Variants in TBC1D31 observed in about 807,000 individuals in gnomAD.
The protein encoded by TBC1D31 is TBC1 domain family member 31.
In TBC1D31, 99 loss-of-function variants were observed where a neutral mutation model predicts 132.9. The observed-to-expected ratio is 0.74, with a 90% CI of 0.63 to 0.88. The LOEUF (loss-of-function observed/expected upper bound fraction) is 0.88, where lower values mean the gene tolerates loss of function less well. Ranked by LOEUF, TBC1D31 falls within the 40% of genes least tolerant of loss-of-function variation. The probability of loss-of-function intolerance (pLI) is 0.00; values close to 1 mark genes in which losing one functional copy is unlikely to be tolerated. For missense variants in TBC1D31, 1,134 were observed against 1,256.6 expected (o/e 0.90, Z 1.48); for synonymous variants, 385 against 419.4 (o/e 0.92, Z 1.00).
intron 2 of TBC1D31, among the ~76,000 whole-genome samples, chr8:123,080,632 GT>G (rs1335592931): frequency 7.1e-6 from 1 of 139,974 alleles, no homozygotes; most frequent in Non-Finnish European, 1.5e-5. Flanking sequence ...CTGCCTCCTG[GT>G]TTAAGCAATT....
intron 6 of TBC1D31, among the ~76,000 whole-genome samples, chr8:123,100,168 A>G (rs1817243052): frequency 6.6e-6 from 1 of 152,112 alleles, no homozygotes; most frequent in African/African-American, 2.4e-5. Flanking sequence ...TGCCTGTGGG[A>G]AGGGAAGATT....
At chr8:123,086,931 C>G (rs1227150341) in intron 4 of TBC1D31, among the ~76,000 whole-genome samples, 2 of 151,986 alleles carry the variant, frequency 1.3e-5, no homozygotes, top group Non-Finnish European at 2.9e-5. Flanking sequence ...TTAGCCAGGC[C>G]GGTCTCAAAC....
chr8:123,116,759 C>T, intron 10 of TBC1D31, among the ~76,000 whole-genome samples: 1 of 152,110 alleles, frequency 6.6e-6, no homozygotes, highest in East Asian at 1.9e-4. Context: ...CGTGACTCAA[C>T]CTAAAAGTTT....
chr8:123,082,583 G>A (rs1815281491), intron 2 of TBC1D31, 119 bp from the exon 3 acceptor site: 1 of 656,222 alleles, frequency 1.5e-6, no homozygotes, highest in Admixed American at 3.0e-5. Flanking sequence ...TCTATTTTTG[G>A]CCTAAAATGG....
rs1820877539 is a variant in TBC1D31, at chr8:123,134,170, G to A, written c.2463G>A (p.Gln821=). ...CAGCCAGAGACCTAGAAATGAGACAGCTGGAACTCGAATCACAAAAGAGAC... is the reference window on the plus strand; with the variant it reads ...CAGCCAGAGACCTAGAAATGAGACAACTGGAACTCGAATCACAAAAGAGAC... The part of the protein sequence containing the change: ...AATARDLEMR[Q]LELESQKRLY... The change falls in exon 17 of 22, where the codon CAG becomes CAA. Residue 821 remains glutamine (Q), a synonymous_variant. Transcript: ENST00000287380. The A allele has an allele frequency of 6.2e-7, 1 of 1,613,998 alleles. No homozygotes were observed. The highest frequency in any genetic ancestry group is 8.5e-7 in the Non-Finnish European group (1 of 1,179,912).
chr8:123,113,013 C>A (rs1586650710), intron 10 of TBC1D31, among the ~76,000 whole-genome samples: 1 of 152,264 alleles, frequency 6.6e-6, no homozygotes, highest in African/African-American at 2.4e-5. Context: ...AGTGAAGTCT[C>A]TCATCAGATG....
At chr8:123,164,434 A>C in the TBC1D31 span, among the ~76,000 whole-genome samples, 99 of 152,292 alleles carry the variant, frequency 6.5e-4, no homozygotes, top group African/African-American at 2.1e-3. Context: ...AATGAAGAAT[A>C]ATCCAGGCCA....
Position 123,072,834 on chromosome 8 carries a change from C to T in TBC1D31, c.65C>T (p.Ala22Val). 1 of 1,568,218 alleles carries T rather than the reference C, an allele frequency of 6.4e-7. No individual in the cohort carries two copies. Among genetic ancestry groups the T allele is most frequent in the South Asian group, 1.2e-5 (1 of 85,326 alleles). The change falls in exon 1 of 22, where the codon GCC (alanine) becomes GTC (valine). Residue 22 changes from alanine (A) to valine (V), a missense_variant. Transcript: ENST00000287380. The stretch of plus-strand genomic sequence containing the variant: ...ATATGGCACCGCAAGCCGTCCCCGG[C>T]CACGCGGGACGGGTAAAGGCCGTGG... The part of the protein sequence containing the change: ...GKIWHRKPSP[A>V]TRDGIIVNII...
intron 3 of TBC1D31, chr8:123,083,933 A>C: frequency 2.3e-6 from 1 of 435,844 alleles, no homozygotes; most frequent in East Asian, 3.6e-5. Flanking sequence ...GTTATTCTTC[A>C]TCAAAGCCTT....
intron 2 of TBC1D31, among the ~76,000 whole-genome samples, chr8:123,077,898 A>G (rs1040535230): frequency 6.6e-6 from 1 of 152,034 alleles, no homozygotes; most frequent in African/African-American, 2.4e-5. Context: ...AAATACAAAA[A>G]TTAGCTGGGT....
At chr8:123,139,922 A>G (rs1171995675) in intron 17 of TBC1D31, among the ~76,000 whole-genome samples, 1 of 152,186 alleles carries the variant, frequency 6.6e-6, no homozygotes, top group Non-Finnish European at 1.5e-5. Context: ...TGAGATCAAA[A>G]AAGACAGCCT....
At chr8:123,079,390 A>G (rs997309845) in intron 2 of TBC1D31, among the ~76,000 whole-genome samples, 3 of 152,212 alleles carry the variant, frequency 2.0e-5, no homozygotes, top group African/African-American at 7.2e-5. Flanking sequence ...TAAAGAAAAG[A>G]TGTGACATAT....
chr8:123,137,667 G>T (rs1053719803), intron 17 of TBC1D31, among the ~76,000 whole-genome samples: 4 of 152,198 alleles, frequency 2.6e-5, no homozygotes, highest in Non-Finnish European at 5.9e-5. Context: ...GCTGACTTTA[G>T]TTACTTTCTC....
At chr8:123,148,924 G>A (rs1489508968) in intron 20 of TBC1D31, among the ~76,000 whole-genome samples, 6 of 151,986 alleles carry the variant, frequency 3.9e-5, no homozygotes, top group African/African-American at 1.4e-4. Flanking sequence ...GCGTGAACCT[G>A]TAATCCCAGC....
At chr8:123,156,334 G>A (rs1273824802), downstream of TBC1D31, among the ~76,000 whole-genome samples, 16 of 151,962 alleles carry the variant, frequency 1.1e-4, no homozygotes, top group East Asian at 2.3e-3. Flanking sequence ...CCAGCTACTC[G>A]GGAGGTTGAG....
chr8:123,082,979 G>A, intron 3 of TBC1D31, 162 bp downstream of exon 3: 1 of 576,408 alleles, frequency 1.7e-6, no homozygotes, highest in Non-Finnish European at 3.1e-6. Flanking sequence ...CCTCACTTTA[G>A]ATCAGTTGAC....
chr8:123,122,599 G>A (rs1349217958), intron 11 of TBC1D31, among the ~76,000 whole-genome samples: 1 of 152,138 alleles, frequency 6.6e-6, no homozygotes, highest in African/African-American at 2.4e-5. Context: ...AAAGGATTTG[G>A]GGAATAGATA....
At chr8:123,157,312 G>T in the TBC1D31 span, among the ~76,000 whole-genome samples, 2 of 152,126 alleles carry the variant, frequency 1.3e-5, no homozygotes, top group Non-Finnish European at 2.9e-5. Flanking sequence ...CACCTAGTAA[G>T]GGTTTCCGGA....
chr8:123,129,410 T>A (rs954513800), intron 15 of TBC1D31, among the ~76,000 whole-genome samples, 192 bp downstream of exon 15: 8 of 152,374 alleles, frequency 5.3e-5, no homozygotes, highest in Admixed American at 2.0e-4. Flanking sequence ...TGCTATGTAG[T>A]AAAATGTAAT....
Sources: gnomAD v4.1 joint callset for allele counts (sites outside exome capture counted in the v4.1 genomes callset) on GRCh38, gnomAD v4.1.1 for gene constraint, MANE v1.5 for transcripts, NCBI Gene and HGNC (gene_info 2026-07-23, HGNC 2026-07-21) for gene names.